PRRX1: variants seen among roughly 807,000 people sequenced by gnomAD.
PRRX1 encodes paired mesoderm homeobox protein 1.
In PRRX1, 8 loss-of-function variants were observed where a neutral mutation model predicts 24.0. The ratio of observed to expected loss-of-function variants is 0.33; its 90% CI spans 0.20 to 0.60. The LOEUF is 0.60. Among genes scored for constraint, PRRX1 ranks in the 20% least tolerant of loss-of-function variants. The pLI, the probability that PRRX1 is intolerant of heterozygous loss-of-function variation, is 0.82. For synonymous variants in PRRX1, 160 were observed against 131.7 expected, an observed-to-expected ratio of 1.22 and a Z score of -1.47; for missense variants, 281 against 322.4, an observed-to-expected ratio of 0.87 and a Z score of 0.98.
intron 1 of PRRX1, among the ~76,000 whole-genome samples, chr1:170,697,452 T>C (rs1654207481): frequency 6.6e-6 from 1 of 151,994 alleles, no homozygotes; most frequent in Non-Finnish European, 1.5e-5. Context: ...GACAAGCTTA[T>C]CTTAAAGAAT....
chr1:170,731,196 T>C (rs1220352111), intron 3 of PRRX1, among the ~76,000 whole-genome samples: 1 of 152,208 alleles, frequency 6.6e-6, no homozygotes, highest in African/African-American at 2.4e-5. Context: ...GTATTACATT[T>C]TATCAGGTGA....
At chr1:170,719,641 C>A in intron 1 of PRRX1, 85 bp from the exon 2 acceptor site, 2 of 1,411,444 alleles carry the variant, frequency 1.4e-6, no homozygotes, top group Non-Finnish European at 2.0e-6. Flanking sequence ...GAAGCAAGAT[C>A]TCACTATAGA....
chr1:170,689,707 C>A (rs987599620), intron 1 of PRRX1, among the ~76,000 whole-genome samples: 1 of 151,934 alleles, frequency 6.6e-6, no homozygotes, highest in Non-Finnish European at 1.5e-5. Context: ...TGCTTTTGGG[C>A]ACCAGGTGGC....
intron 1 of PRRX1, among the ~76,000 whole-genome samples, chr1:170,700,108 A>G (rs968125803): frequency 6.6e-6 from 1 of 152,156 alleles, no homozygotes; most frequent in Non-Finnish European, 1.5e-5. Context: ...AAAATGTCCT[A>G]TGGCCTCCTA....
chr1:170,701,858 T>A (rs1269132589), intron 1 of PRRX1, among the ~76,000 whole-genome samples: 1 of 152,188 alleles, frequency 6.6e-6, no homozygotes, highest in Non-Finnish European at 1.5e-5. Flanking sequence ...TCTTTTTTTG[T>A]GTTGGGAACA....
At chr1:170,706,436 C>G (rs1235693947) in intron 1 of PRRX1, among the ~76,000 whole-genome samples, 1 of 152,050 alleles carries the variant, frequency 6.6e-6, no homozygotes, top group Non-Finnish European at 1.5e-5. Flanking sequence ...ATACTATGCC[C>G]TTTTTCAACA....
At chr1:170,705,151 C>T (rs1393265009) in intron 1 of PRRX1, among the ~76,000 whole-genome samples, 1 of 152,152 alleles carries the variant, frequency 6.6e-6, no homozygotes, top group Non-Finnish European at 1.5e-5. Context: ...CACTTTCCTG[C>T]TCCATGTCTG....
At chr1:170,730,281 T>G (rs1333254203) in intron 3 of PRRX1, 16 of 1,609,674 alleles carry the variant, frequency 9.9e-6, no homozygotes, top group Non-Finnish European at 1.4e-5. Flanking sequence ...AAATAGATCC[T>G]CGTCCCTCCC....
intron 2 of PRRX1, among the ~76,000 whole-genome samples, chr1:170,722,931 G>C (rs1211294225): frequency 1.3e-5 from 2 of 152,190 alleles, no homozygotes; most frequent in Non-Finnish European, 2.9e-5. Flanking sequence ...AGGTAATTTT[G>C]AGCACAGGGT....
intron 1 of PRRX1, among the ~76,000 whole-genome samples, chr1:170,672,645 A>T (rs1653179550): frequency 6.6e-6 from 1 of 152,210 alleles, no homozygotes; most frequent in South Asian, 2.1e-4. Flanking sequence ...ATACAACTTA[A>T]AGGCCAAGGA....
At chr1:170,727,916 A>C (rs1301421827) in intron 3 of PRRX1, 1 of 152,226 alleles carries the variant, frequency 6.6e-6, no homozygotes, top group Non-Finnish European at 1.5e-5. Flanking sequence ...ATTCTCTAAT[A>C]TTTTAAATAA....
At chr1:170,680,981 C>T (rs1029823976) in intron 1 of PRRX1, among the ~76,000 whole-genome samples, 5 of 152,220 alleles carry the variant, frequency 3.3e-5, no homozygotes, top group Admixed American at 6.5e-5. Flanking sequence ...TTTAGGTGAG[C>T]GAGGAGACTT....
intron 1 of PRRX1, among the ~76,000 whole-genome samples, chr1:170,710,532 C>A (rs1301337263): frequency 6.6e-6 from 1 of 152,172 alleles, no homozygotes; most frequent in African/African-American, 2.4e-5. Context: ...CTAGTTGTCA[C>A]AATTTGTATC....
intron 1 of PRRX1, among the ~76,000 whole-genome samples, chr1:170,711,892 C>G (rs919170623): frequency 2.0e-5 from 3 of 152,196 alleles, no homozygotes; most frequent in Non-Finnish European, 4.4e-5. Flanking sequence ...TTTCCCAGAA[C>G]TTTGGTTTCT....
chr1:170,724,496 G>A (rs541740505), intron 2 of PRRX1, among the ~76,000 whole-genome samples: 17 of 152,130 alleles, frequency 1.1e-4, no homozygotes, highest in Middle Eastern at 3.4e-3. Flanking sequence ...TCAGTTTTCC[G>A]CATATGGCTA....
intron 1 of PRRX1, among the ~76,000 whole-genome samples, chr1:170,712,425 C>T (rs1042127340): frequency 2.0e-5 from 3 of 152,014 alleles, no homozygotes; most frequent in Admixed American, 1.3e-4. Flanking sequence ...CAAACATGAC[C>T]GAGCCATATA....
chr1:170,682,785 A>G (rs898331340), intron 1 of PRRX1, among the ~76,000 whole-genome samples: 1 of 152,252 alleles, frequency 6.6e-6, no homozygotes, highest in African/African-American at 2.4e-5. Flanking sequence ...ACACACCTAG[A>G]TAAGTAATTC....
At chr1:170,664,488 T>TG in intron 1 of PRRX1, 29 bp downstream of exon 1, 1 of 1,579,862 alleles carries the variant, frequency 6.3e-7, no homozygotes, top group Non-Finnish European at 8.6e-7. Flanking sequence ...CCCACGGGGG[T>TG]GTGTGCCCGG....
upstream of PRRX1, chr1:170,663,292 C>T (rs1652788612): frequency 6.6e-6 from 1 of 152,060 alleles, no homozygotes; most frequent in South Asian, 2.1e-4. Context: ...CGAGATCTGC[C>T]CTCCCAGGGG....
Sources: gnomAD v4.1 joint callset for allele counts (sites outside exome capture counted in the v4.1 genomes callset) on GRCh38, gnomAD v4.1.1 for gene constraint, MANE v1.5 for transcripts, NCBI Gene and HGNC (gene_info 2026-07-23, HGNC 2026-07-21) for gene names.